Variants in DISC1 observed in about 807,000 individuals in gnomAD.
DISC1 encodes DISC1 scaffold protein.
Under a neutral mutation model 84.5 loss-of-function variants are expected in DISC1, and 57 were observed. That is an observed-to-expected ratio of 0.67 (90% CI 0.55 to 0.84). DISC1 has a LOEUF of 0.84. Ranked by LOEUF, DISC1 falls within the 40% of genes least tolerant of loss-of-function variation. The probability of loss-of-function intolerance (pLI) is 0.00; values close to 1 mark genes in which losing one functional copy is unlikely to be tolerated. For missense variants in DISC1, 1,000 were observed against 1,057.8 expected (o/e 0.95, Z 0.76); for synonymous variants, 411 against 415.2 (o/e 0.99, Z 0.12).
rs1461293270 is a variant in DISC1 at position 231,959,500 on chromosome 1, C to T, written c.2042+612C>T. 1.3e-5 allele frequency: 13 copies of T among 985,262 alleles called. 1 individual carries two copies. In the Admixed American group the frequency reaches 1.8e-4, roughly 14 times the overall value. The allele number at this position is 985,262 out of a possible 1,614,324, so 61.0% of individuals were successfully genotyped here. A position where few individuals can be genotyped will look rare whatever the true frequency, so the allele number is the denominator to read the frequency against. ...GCAACAAGTACTAGAGTGGAATATG[C>T]GCTTTCTTCCCTGGAAGTCATTTAG... On this transcript the variant is annotated intron_variant, in intron 10 of 12. Coordinates refer to ENST00000439617, the MANE Select transcript of DISC1 (RefSeq NM_018662.3).
intron 6 of DISC1, among the ~76,000 whole-genome samples, chr1:231,790,102 C>G (rs1483122660): frequency 6.6e-6 from 1 of 152,088 alleles, no homozygotes; most frequent in Non-Finnish European, 1.5e-5. Flanking sequence ...CCCACAGTCT[C>G]CCAGTTGGGC....
chr1:231,801,434 A>G (rs116377962), intron 8 of DISC1, among the ~76,000 whole-genome samples: 258 of 152,332 alleles, frequency 1.7e-3, no homozygotes, highest in Non-Finnish European at 2.8e-3. Flanking sequence ...CCTCACTCCA[A>G]TGTGAACAAT....
chr1:231,991,765 G>A (rs1665239155), intron 10 of DISC1, among the ~76,000 whole-genome samples: 2 of 152,166 alleles, frequency 1.3e-5, no homozygotes, highest in Admixed American at 1.3e-4. Context: ...GGGGTAAAAT[G>A]TAAAGGAAAA....
chr1:231,640,561 C>G (rs2059558799), intron 1 of DISC1, among the ~76,000 whole-genome samples: 2 of 150,860 alleles, frequency 1.3e-5, no homozygotes, highest in African/African-American at 4.9e-5. Flanking sequence ...CAAGGTCTCC[C>G]TCTGTTGCCC....
chr1:231,807,589 C>T (rs1437492886), intron 8 of DISC1, among the ~76,000 whole-genome samples: 1 of 152,216 alleles, frequency 6.6e-6, no homozygotes, highest in African/African-American at 2.4e-5. Flanking sequence ...CATCTCCTGC[C>T]CTGACTTCAG....
At chr1:231,859,445 A>G (rs1019277587) in intron 9 of DISC1, among the ~76,000 whole-genome samples, 1 of 152,148 alleles carries the variant, frequency 6.6e-6, no homozygotes, top group African/African-American at 2.4e-5. Flanking sequence ...ATGTCCTCCC[A>G]TTCTGGAAGG....
chr1:231,816,917 C>CTCCT (rs2081055721), intron 8 of DISC1, among the ~76,000 whole-genome samples: 1 of 151,790 alleles, frequency 6.6e-6, no homozygotes. Context: ...TCTTCGTCTT[C>CTCCT]TCCTTCCTTC....
intron 6 of DISC1, among the ~76,000 whole-genome samples, chr1:231,794,953 CT>C (rs1225750997): frequency 6.6e-5 from 10 of 152,270 alleles, no homozygotes; most frequent in South Asian, 4.1e-4. Flanking sequence ...TAATCCTTTG[CT>C]GCCAGGAGCA....
intron 1 of DISC1, among the ~76,000 whole-genome samples, chr1:231,642,182 G>C (rs1426047823): frequency 2.0e-5 from 3 of 152,160 alleles, no homozygotes; most frequent in Non-Finnish European, 4.4e-5. Context: ...GGCCGGCGGG[G>C]CCGGCCGGCC....
At chr1:231,856,069 T>C (rs1342983029) in intron 9 of DISC1, among the ~76,000 whole-genome samples, 1 of 152,220 alleles carries the variant, frequency 6.6e-6, no homozygotes, top group Admixed American at 6.5e-5. Flanking sequence ...CATAAACTCA[T>C]ACAAATGTTT....
rs372656493 is a variant in DISC1 at position 231,726,697 on chromosome 1, G to A, written c.1118-23229G>A. ...TAAATTGATAGTATCACCCCAGAAT[G>A]TGTTTGGGCAAAGGCAGTTTTATAA... On this transcript the variant is annotated intron_variant, in intron 3 of 12. Coordinates refer to ENST00000439617, the MANE Select transcript of DISC1 (RefSeq NM_018662.3). Among the ~76,000 whole-genome samples the A allele has an allele frequency of 2.6e-3, 391 of 152,322 alleles. 3 individuals carry two copies. Among genetic ancestry groups the A allele is most frequent in the African/African-American group, 9.2e-3 (382 of 41,560 alleles).
intron 5 of DISC1, among the ~76,000 whole-genome samples, chr1:231,770,042 G>A (rs1402410402): frequency 9.9e-5 from 15 of 152,220 alleles, no homozygotes; most frequent in African/African-American, 3.6e-4. Context: ...CTGAGAGAAC[G>A]TGAATAAGAG....
chr1:231,760,629 C>G (rs2075571342), intron 4 of DISC1, among the ~76,000 whole-genome samples: 1 of 152,198 alleles, frequency 6.6e-6, no homozygotes, highest in Non-Finnish European at 1.5e-5. Flanking sequence ...TTTTCTGGTA[C>G]TCTAACAACA....
intron 11 of DISC1, among the ~76,000 whole-genome samples, chr1:232,016,982 G>T (rs1380553881): frequency 1.3e-5 from 2 of 152,102 alleles, no homozygotes; most frequent in African/African-American, 4.8e-5. Flanking sequence ...CACGACTGTA[G>T]AACTCGGCAT....
chr1:231,989,860 A>G (rs1664958644), intron 10 of DISC1, among the ~76,000 whole-genome samples: 1 of 152,162 alleles, frequency 6.6e-6, no homozygotes, highest in Admixed American at 6.5e-5. Flanking sequence ...ACACATGCGC[A>G]CCGAGTTCAG....
At chr1:231,779,549 G>GC in intron 6 of DISC1, among the ~76,000 whole-genome samples, 1 of 53,580 alleles carries the variant, frequency 1.9e-5, no homozygotes, top group South Asian at 8.0e-4. Context: ...ACCTATTCTT[G>GC]TTTTTTTTTT....
rs76184942 is a variant in DISC1, at chr1:231,948,640, C to G, written c.1982-10188C>G. ...AGAAGTGCTCCCAGGGACATTTGGG[C>G]AGGAAATTCCCGTGTTCTGGGTACC... On this transcript the variant is annotated intron_variant, in intron 9 of 12. Coordinates refer to ENST00000439617, the MANE Select transcript of DISC1 (RefSeq NM_018662.3). Among the ~76,000 whole-genome samples, 774 of 151,642 alleles carry G rather than the reference C, an allele frequency of 5.1e-3. 9 individuals carry two copies. The highest frequency in any genetic ancestry group is 0.018 in the African/African-American group (742 of 41,326).
Position 231,789,854 on chromosome 1 carries a change from A to T in DISC1, c.1635-5388A>T, listed in dbSNP as rs564518061. 2.7e-5 allele frequency among the ~76,000 whole-genome samples: 4 copies of T among 150,116 alleles called. No individual in the cohort carries two copies. The South Asian group carries it at 8.3e-4, about 31-fold the overall frequency. On this transcript the variant is annotated intron_variant, in intron 6 of 12. Transcript: ENST00000439617. ...CATCAGTGGTTGCATTCTGTTTGTG[A>T]TATTGCAAGAGTATTGAAGGGAGCC...
rs183743872 is a variant in DISC1, at chr1:231,852,165, C to T, written c.1981+33648C>T. Reference sequence around the variant, plus strand: ...GGGTAGCATGGGATTAAACACCAGTCGGCTCGTCTCCAAAGGCCTGACTGA... The same window carrying T: ...GGGTAGCATGGGATTAAACACCAGTTGGCTCGTCTCCAAAGGCCTGACTGA... On this transcript the variant is annotated intron_variant, in intron 9 of 12. Transcript: ENST00000439617. 1.4e-4 allele frequency among the ~76,000 whole-genome samples: 21 copies of T among 152,294 alleles called. No individual in the cohort carries two copies. The East Asian group carries it at 3.1e-3, about 22-fold the overall frequency.
Sources: gnomAD v4.1 joint callset for allele counts (sites outside exome capture counted in the v4.1 genomes callset) on GRCh38, gnomAD v4.1.1 for gene constraint, MANE v1.5 for transcripts, NCBI Gene and HGNC (gene_info 2026-07-23, HGNC 2026-07-21) for gene names.